The following LIMK1 variants were observed in gnomAD, a reference collection of about 807,000 sequenced individuals.
The protein encoded by LIMK1 is LIM motif-containing protein kinase.
In LIMK1, 21 loss-of-function variants were observed where a neutral mutation model predicts 77.6. The ratio of observed to expected loss-of-function variants is 0.27; its 90% confidence interval spans 0.19 to 0.39. LIMK1 has a LOEUF of 0.39. LIMK1 is among the 10% of genes least tolerant of loss of function. LIMK1 has a pLI of 1.00. For missense variants in LIMK1, 696 were observed against 901.6 expected, an observed-to-expected ratio of 0.77 and a Z score of 2.92; for synonymous variants, 358 against 370.0, an observed-to-expected ratio of 0.97 and a Z score of 0.37.
Position 74,090,137 on chromosome 7 carries a change from G to A in LIMK1, c.152+4293G>A, listed in dbSNP as rs183388223. Among the ~76,000 whole-genome samples the A allele has an allele frequency of 9.3e-4, 141 of 152,294 alleles. 4 individuals carry two copies. The East Asian group carries it at 0.015, about 16-fold the overall frequency. ...CGCCTGTAATCCCAGCACTTTGGGA[G>A]GCCAAGGCAGGCAGATCACCTGAGG... On this transcript the variant is annotated intron_variant, in intron 2 of 15. Coordinates refer to ENST00000336180, the MANE Select transcript of LIMK1 (RefSeq NM_002314.4).
At position 74,106,610 on chromosome 7, in the gene LIMK1, A is replaced by G. The variant is rs113684809; in HGVS notation, c.881+367A>G. Among the ~76,000 whole-genome samples the G allele has an allele frequency of 5.3e-5, 8 of 152,218 alleles. 1 individual carries two copies. Among genetic ancestry groups the G allele is most frequent in the African/African-American group, 1.9e-4 (8 of 41,560 alleles). ...CCTCATCTTTACTGAAAATACAAAA[A>G]TTAGCCGGGCTTGGTGGCAGGTGCC... On this transcript the variant is annotated intron_variant, in intron 7 of 15. Coordinates refer to ENST00000336180, the MANE Select transcript of LIMK1 (RefSeq NM_002314.4).
In LIMK1 at chr7:74,112,944, G is replaced by A. The variant is rs181452302; in HGVS notation, c.1410+946G>A. Among the ~76,000 whole-genome samples, 4 of 152,250 alleles carry A rather than the reference G, an allele frequency of 2.6e-5. No individual in the cohort carries two copies. In the East Asian group the frequency reaches 7.7e-4, roughly 29 times the overall value. On this transcript the variant is annotated intron_variant, in intron 12 of 15. Transcript: ENST00000336180. Reference sequence around the variant, plus strand: ...GGTTCTCCACCAAAAGCACAGGAGCGAGTAACCATGCCCATCTGGAGAGGT... The same window carrying A: ...GGTTCTCCACCAAAAGCACAGGAGCAAGTAACCATGCCCATCTGGAGAGGT...
chr7:74,115,207 G>A (rs1433979352), intron 12 of LIMK1, among the ~76,000 whole-genome samples: 1 of 152,124 alleles, frequency 6.6e-6, no homozygotes, highest in African/African-American at 2.4e-5. Context: ...TGGATCACCT[G>A]AGATCAGGAG....
chr7:74,084,243 T>A (rs1174908906), intron 1 of LIMK1, among the ~76,000 whole-genome samples, 198 bp downstream of exon 1: 3 of 148,000 alleles, frequency 2.0e-5, no homozygotes, highest in Non-Finnish European at 3.0e-5. Flanking sequence ...CGAGCTGCCC[T>A]CCTGCGGGTC....
chr7:74,120,467 C>T (rs914002186), intron 13 of LIMK1, 116 bp from the exon 14 acceptor site: 2 of 1,086,048 alleles, frequency 1.8e-6, no homozygotes, highest in African/African-American at 1.5e-5. Context: ...CGGCATCTGC[C>T]TCCTGGGCCT....
chr7:74,107,849 C>T (rs1554697898), intron 8 of LIMK1, 22 bp from the exon 9 acceptor site: 1 of 1,549,034 alleles, frequency 6.5e-7, no homozygotes. Context: ...TCTGTCTTCA[C>T]ACCTCTGTGT....
In LIMK1 at chr7:74,106,106, C is replaced by A; in HGVS notation, c.744C>A (p.Arg248=). 1 of 1,614,142 alleles carries A rather than the reference C, an allele frequency of 6.2e-7. No individual in the cohort carries two copies. Among genetic ancestry groups the A allele is most frequent in the Non-Finnish European group, 8.5e-7 (1 of 1,180,028 alleles). The change falls in exon 7 of 16, where the codon CGC becomes CGA. Residue 248 remains arginine, a synonymous_variant. Transcript: ENST00000336180. ...EIDLLIQETS[R]LLQLTLEHDP... ...ACCTGCTGATTCAGGAAACCAGCCGCCTGCTCCAGCTGACCCTCGAGCATG... is the reference window on the plus strand; with the variant it reads ...ACCTGCTGATTCAGGAAACCAGCCGACTGCTCCAGCTGACCCTCGAGCATG...
In LIMK1 at chr7:74,106,208, G is replaced by A; in HGVS notation, c.846G>A (p.Gly282=). 1 of 1,613,704 alleles carries A rather than the reference G, an allele frequency of 6.2e-7. No individual in the cohort carries two copies. The highest frequency in any genetic ancestry group is 1.1e-5 in the South Asian group (1 of 91,080). The change falls in exon 7 of 16, where the codon GGG becomes GGA. Residue 282 remains glycine (G), a synonymous_variant. Transcript: ENST00000336180. ...GCTCTCCGGCTTATACTCCCAGCGGGGAGGCGGGCAGCTCTGCCCGGCAGA... is the reference window on the plus strand; with the variant it reads ...GCTCTCCGGCTTATACTCCCAGCGGAGAGGCGGGCAGCTCTGCCCGGCAGA... ...PLSSPAYTPS[G]EAGSSARQKP...
intron 5 of LIMK1, among the ~76,000 whole-genome samples, chr7:74,103,160 G>T (rs1014416384): frequency 1.3e-5 from 2 of 151,636 alleles, no homozygotes; most frequent in African/African-American, 4.8e-5. Flanking sequence ...GAGCCACTGC[G>T]TCTGGCCATT....
intron 1 of LIMK1, among the ~76,000 whole-genome samples, chr7:74,085,237 C>T (rs1199063293): frequency 2.6e-5 from 4 of 152,182 alleles, no homozygotes; most frequent in Non-Finnish European, 4.4e-5. Flanking sequence ...GCATTCATTG[C>T]CAAGGATCTG....
chr7:74,109,072 C>G (rs370825290), intron 10 of LIMK1, 36 bp downstream of exon 10: 151 of 1,527,370 alleles, frequency 9.9e-5, no homozygotes, highest in Non-Finnish European at 1.1e-4. Context: ...CCCCGCTGTG[C>G]GGCCCCGGGC....
chr7:74,115,523 G>A (rs1347867124), intron 12 of LIMK1: 18 of 390,594 alleles, frequency 4.6e-5, no homozygotes, highest in Admixed American at 1.6e-4. Flanking sequence ...CAGTGGGTCC[G>A]CCACGACGGT....
Position 74,121,088 on chromosome 7 carries a change from C to A in LIMK1, c.1781+39C>A, listed in dbSNP as rs199976900. ...GGCCCTGGCCTGGGAGACGGTGGGG[C>A]CGATTCCCGGGACAGCCAGACCCAC... is the stretch of plus-strand genomic sequence containing the variant. On this transcript the variant is annotated intron_variant, in intron 15 of 15. Transcript: ENST00000336180. The A allele has an allele frequency of 2.7e-5, 43 of 1,597,738 alleles. No individual in the cohort carries two copies. In the Admixed American group the frequency reaches 6.1e-4, roughly 23 times the overall value.
intron 2 of LIMK1, among the ~76,000 whole-genome samples, chr7:74,094,537 C>T (rs1256107254): frequency 7.9e-5 from 12 of 152,148 alleles, no homozygotes; most frequent in Non-Finnish European, 1.6e-4. Flanking sequence ...ACCCCTGTGA[C>T]CGAGGTCATG....
intron 9 of LIMK1, among the ~76,000 whole-genome samples, chr7:74,108,420 G>A (rs113421098): frequency 0.076 from 11,590 of 151,912 alleles, 527 homozygotes; most frequent in Middle Eastern, 0.11. Context: ...TGAGCCGGGC[G>A]GATCACCTGA....
rs782400798 is a variant in LIMK1 at position 74,106,252 on chromosome 7, G to A, written c.881+9G>A. ...CGGCAGAAACCTGTCTTGTAAGTCA[G>A]CCTGCTCCTCGGTTCAGCTGGGTGC... is the stretch of plus-strand genomic sequence containing the variant. On this transcript the variant is annotated intron_variant, in intron 7 of 15. Coordinates refer to ENST00000336180, the MANE Select transcript of LIMK1 (RefSeq NM_002314.4). 25 of 1,604,374 alleles carry A rather than the reference G, an allele frequency of 1.6e-5. No homozygotes were observed. In the East Asian group the frequency reaches 1.6e-4, roughly 10 times the overall value.
chr7:74,115,922 G>A lies in LIMK1; in HGVS notation c.1531G>A (p.Gly511Ser). The change falls in exon 13 of 16, where the codon GGC (glycine) becomes AGC (serine). Residue 511 changes from glycine (G) to serine (S), a missense_variant. This residue lies in a region of LIMK1 where 438 missense variants were observed against 602.3 expected (regional missense o/e 0.73). Coordinates refer to ENST00000336180, the MANE Select transcript of LIMK1 (RefSeq NM_002314.4). The stretch of plus-strand genomic sequence containing the variant: ...CCGCAAGAAGCGCTACACCGTGGTG[G>A]GCAACCCCTACTGGATGGCACCTGA... ...PDRKKRYTVV[G>S]NPYWMAPEMI... 1 of 1,614,204 alleles carries A rather than the reference G, an allele frequency of 6.2e-7. No individual in the cohort carries two copies. The highest frequency in any genetic ancestry group is 8.5e-7 in the Non-Finnish European group (1 of 1,180,020).
intron 2 of LIMK1, among the ~76,000 whole-genome samples, chr7:74,088,818 A>AG (rs1259960654): frequency 1.3e-5 from 2 of 151,382 alleles, no homozygotes; most frequent in Non-Finnish European, 2.9e-5. Context: ...AAAAAAAAAA[A>AG]AAAATAGAAG....
intron 2 of LIMK1, among the ~76,000 whole-genome samples, chr7:74,088,279 G>A (rs749683345): frequency 5.3e-5 from 8 of 152,200 alleles, no homozygotes; most frequent in Non-Finnish European, 1.2e-4. Context: ...GCTGAAAGGA[G>A]ACAGACAGCA....
Sources: allele counts gnomAD v4.1 joint callset (sites outside exome capture counted in the v4.1 genomes callset), GRCh38; gene constraint gnomAD v4.1.1; regional missense constraint gnomAD v4.1.1; transcripts MANE v1.5; gene names NCBI Gene and HGNC (gene_info 2026-07-23, HGNC 2026-07-21).